Variants in MGAT4C observed in about 807,000 individuals in gnomAD.
The protein encoded by MGAT4C is alpha-1,3-mannosyl-glycoprotein 4-beta-N-acetylglucosaminyltransferase C.
Under a neutral mutation model 40.1 loss-of-function variants are expected in MGAT4C, and 19 were observed. The ratio of observed to expected loss-of-function variants is 0.47; its 90% CI spans 0.33 to 0.70. The LOEUF (loss-of-function observed/expected upper bound fraction) is 0.70. MGAT4C is among the 30% of genes least tolerant of loss of function. The probability of loss-of-function intolerance (pLI) is 0.02; values close to 1 mark genes in which losing one functional copy is unlikely to be tolerated. For missense variants in MGAT4C, 491 were observed against 563.2 expected, an observed-to-expected ratio of 0.87 and a Z score of 1.30; for synonymous variants, 181 against 187.1, an observed-to-expected ratio of 0.97 and a Z score of 0.27.
chr12:86,750,266 A>G (rs564831491), intron 1 of MGAT4C, among the ~76,000 whole-genome samples: 1 of 152,036 alleles, frequency 6.6e-6, no homozygotes, highest in South Asian at 2.1e-4. Context: ...TAAAACTACC[A>G]ATCACTCTTA....
intron 2 of MGAT4C, among the ~76,000 whole-genome samples, chr12:86,629,298 G>A (rs1486449145): frequency 6.6e-6 from 1 of 151,880 alleles, no homozygotes; most frequent in East Asian, 1.9e-4. Context: ...CCACAAAATA[G>A]TATAGGGAGA....
At chr12:86,354,004 T>C (rs1955244481) in intron 3 of MGAT4C, among the ~76,000 whole-genome samples, 1 of 152,184 alleles carries the variant, frequency 6.6e-6, no homozygotes, top group Non-Finnish European at 1.5e-5. Context: ...AGTATACGGT[T>C]CATCCCAACC....
At chr12:86,436,073 T>C (rs554648585) in intron 2 of MGAT4C, among the ~76,000 whole-genome samples, 145 of 152,028 alleles carry the variant, frequency 9.5e-4, no homozygotes, top group African/African-American at 3.4e-3. Flanking sequence ...TATATGATTA[T>C]ATAATCTTTG....
chr12:85,979,725 G>A lies in MGAT4C; in HGVS notation c.1001C>T (p.Ser334Leu). 6.2e-7 allele frequency: 1 copy of A among 1,613,412 alleles called. No homozygotes were observed. Among genetic ancestry groups the A allele is most frequent in the Non-Finnish European group, 8.5e-7 (1 of 1,179,754 alleles). The change falls in exon 5 of 5, where the codon TCA (serine) becomes TTA (leucine). Residue 334 changes from serine to leucine, a missense_variant. By Grantham distance (145) the Ser-to-Leu change is moderately radical. Transcript: ENST00000611864. The part of the protein sequence containing the change: ...KLKDDDFEEE[S>L]FDIPDNPPAS... The stretch of plus-strand genomic sequence containing the variant: ...AGGGGGGTTATCAGGAATGTCAAAT[G>A]ACTCCTCTTCAAAATCATCATCCTT...
At chr12:86,005,004 C>G (rs1169239328) in intron 2 of MGAT4C, among the ~76,000 whole-genome samples, 1 of 152,174 alleles carries the variant, frequency 6.6e-6, no homozygotes, top group African/African-American at 2.4e-5. Flanking sequence ...CCCCATGGCA[C>G]AATCCAGTCG....
At chr12:86,318,504 A>G (rs1954299903) in intron 4 of MGAT4C, among the ~76,000 whole-genome samples, 1 of 152,190 alleles carries the variant, frequency 6.6e-6, no homozygotes, top group African/African-American at 2.4e-5. Flanking sequence ...CCTTCTTCAT[A>G]CTGAGCCCAA....
chr12:86,289,864 C>G lies in MGAT4C; in HGVS notation c.-57+44201G>C, dbSNP rs78796104. On this transcript the variant is annotated intron_variant, in intron 4 of 7. Transcript: ENST00000548651. Reference sequence around the variant, plus strand: ...CCAAATTCATAGTTAACTCATAGATCATAGTCTCCTTTGCATTTGCTTTGA... The same window carrying G: ...CCAAATTCATAGTTAACTCATAGATGATAGTCTCCTTTGCATTTGCTTTGA... Among the ~76,000 whole-genome samples, 457 of 152,206 alleles carry G rather than the reference C, an allele frequency of 3.0e-3. 2 individuals are homozygous for G. The highest frequency in any genetic ancestry group is 0.011 in the African/African-American group (436 of 41,524).
intron 2 of MGAT4C, among the ~76,000 whole-genome samples, chr12:86,045,488 T>C (rs1019136094): frequency 1.3e-5 from 2 of 152,196 alleles, no homozygotes; most frequent in Non-Finnish European, 2.9e-5. Flanking sequence ...TTGATATTTC[T>C]CCTCTTAATG....
At chr12:86,795,616 A>AAG (rs374665523) in intron 1 of MGAT4C, among the ~76,000 whole-genome samples, 267 of 148,144 alleles carry the variant, frequency 1.8e-3, no homozygotes, top group African/African-American at 6.6e-3. Context: ...GAGAGAGAGA[A>AAG]AGAGAGAGAG....
intron 2 of MGAT4C, among the ~76,000 whole-genome samples, chr12:86,602,061 T>C (rs1407915998): frequency 1.3e-5 from 2 of 152,150 alleles, no homozygotes; most frequent in Non-Finnish European, 2.9e-5. Flanking sequence ...CCGGAGCCTG[T>C]GCTGGCACCT....
chr12:86,152,436 C>G (rs2135772529), intron 1 of MGAT4C, among the ~76,000 whole-genome samples: 1 of 152,304 alleles, frequency 6.6e-6, no homozygotes, highest in East Asian at 1.9e-4. Flanking sequence ...TCTAGCCTTT[C>G]TATAAGGGCC....
chr12:86,324,414 T>C (rs1322706675), intron 4 of MGAT4C, among the ~76,000 whole-genome samples: 2 of 151,930 alleles, frequency 1.3e-5, no homozygotes, highest in Non-Finnish European at 2.9e-5. Flanking sequence ...TACTTATTAA[T>C]TAAATATATT....
At chr12:86,695,148 C>A (rs932692882) in intron 2 of MGAT4C, among the ~76,000 whole-genome samples, 6 of 152,232 alleles carry the variant, frequency 3.9e-5, no homozygotes, top group South Asian at 4.1e-4. Context: ...ATGCAAATGG[C>A]AAACATACAT....
chr12:86,245,768 T>A (rs1323755991), intron 1 of MGAT4C, among the ~76,000 whole-genome samples: 1 of 152,146 alleles, frequency 6.6e-6, no homozygotes, highest in Non-Finnish European at 1.5e-5. Flanking sequence ...AGAATATAAT[T>A]TTCCTCCTCT....
chr12:86,470,585 TC>T (rs1272408783), intron 2 of MGAT4C, among the ~76,000 whole-genome samples: 1 of 152,158 alleles, frequency 6.6e-6, no homozygotes, highest in Non-Finnish European at 1.5e-5. Flanking sequence ...TGAATCTTAT[TC>T]TAAACTGATA....
At chr12:86,355,653 A>C (rs1955293093) in intron 3 of MGAT4C, among the ~76,000 whole-genome samples, 1 of 152,190 alleles carries the variant, frequency 6.6e-6, no homozygotes, top group African/African-American at 2.4e-5. Context: ...AGATACACAT[A>C]ATGAAAATAT....
At chr12:86,417,117 G>T (rs532707970) in intron 3 of MGAT4C, among the ~76,000 whole-genome samples, 4 of 152,032 alleles carry the variant, frequency 2.6e-5, no homozygotes, top group African/African-American at 9.6e-5. Context: ...AGTCTGCATC[G>T]GTCAACTGGT....
At chr12:86,211,238 C>CATATTGGACTGCATGGT (rs1314202644) in intron 1 of MGAT4C, among the ~76,000 whole-genome samples, 2 of 145,820 alleles carry the variant, frequency 1.4e-5, no homozygotes, top group African/African-American at 5.1e-5. Flanking sequence ...GACTGCATGG[C>CATATTGGACTGCATGGT]ATATCCTAAC....
intron 1 of MGAT4C, among the ~76,000 whole-genome samples, chr12:86,780,537 C>G (rs1250227254): frequency 6.6e-6 from 1 of 152,158 alleles, no homozygotes; most frequent in Non-Finnish European, 1.5e-5. Flanking sequence ...CCCCTTTGCT[C>G]TCTTTCTCCT....
Sources: gnomAD v4.1 joint callset for allele counts (sites outside exome capture counted in the v4.1 genomes callset) on GRCh38, gnomAD v4.1.1 for gene constraint, MANE v1.5 for transcripts, NCBI Gene and HGNC (gene_info 2026-07-23, HGNC 2026-07-21) for gene names.